The following KHK variants were observed in gnomAD, a reference collection of about 807,000 sequenced individuals.
KHK encodes the protein fructokinase.
Under a neutral mutation model 36.0 loss-of-function variants are expected in KHK, and 37 were observed. That is an observed-to-expected ratio of 1.03 (90% CI 0.79 to 1.35). KHK has a LOEUF of 1.35. Among genes scored for constraint, KHK ranks in the 40% most tolerant of loss-of-function variants. The pLI is 0.00. For synonymous variants in KHK, 161 were observed against 162.8 expected (o/e 0.99, Z 0.08); for missense variants, 395 against 391.9 (o/e 1.01, Z -0.07).
chr2:27,097,690 AT>A (rs749497031), intron 5 of KHK, 41 bp downstream of exon 5: 1 of 1,613,588 alleles, frequency 6.2e-7, no homozygotes, highest in East Asian at 2.2e-5. Context: ...CTTCCAGCTA[AT>A]TTGGTTCTTA....
At position 27,099,897 on chromosome 2, in the gene KHK, C is replaced by T; in HGVS notation, c.*147C>T. Reference sequence around the variant, plus strand: ...GGACTCTGCCTGTGTCCTGTGTTCCCCACAGGGAGAGGCTCTGGGGGGATG... The same window carrying T: ...GGACTCTGCCTGTGTCCTGTGTTCCTCACAGGGAGAGGCTCTGGGGGGATG... On this transcript the variant is annotated 3_prime_UTR_variant, in exon 8 of 8. Transcript: ENST00000260598. 1 of 1,529,960 alleles carries T rather than the reference C, an allele frequency of 6.5e-7. No homozygotes were observed. The highest frequency in any genetic ancestry group is 8.9e-7 in the Non-Finnish European group (1 of 1,129,180). 94.8% of individuals were successfully genotyped at this position (1,529,960 alleles called of 1,614,324 possible).
Position 27,086,931 on chromosome 2 carries a change from T to G in KHK, c.-329T>G. 1 of 281,678 alleles carries G rather than the reference T, an allele frequency of 3.6e-6. No homozygotes were observed. The highest frequency in any genetic ancestry group is 6.8e-6 in the Non-Finnish European group (1 of 146,870). The allele number at this position is 281,678 out of a possible 1,614,324, so 17.4% of individuals were successfully genotyped here. ...TAAAAAGGTTTGCATCAGCTGTGAG[T>G]CCATCTGACAAGCGAGGAAACTAAG... On this transcript the variant is annotated 5_prime_UTR_variant, in exon 1 of 8. Coordinates refer to ENST00000260598, the MANE Select transcript of KHK (RefSeq NM_006488.3).
Position 27,100,596 on chromosome 2 carries a change from G to A in KHK, c.*846G>A. 1.6e-6 allele frequency: 2 copies of A among 1,256,272 alleles called. No individual in the cohort carries two copies. Among genetic ancestry groups the A allele is most frequent in the Non-Finnish European group, 2.1e-6 (2 of 959,766 alleles). The allele number at this position is 1,256,272 out of a possible 1,614,324, so 77.8% of individuals were successfully genotyped here. On this transcript the variant is annotated 3_prime_UTR_variant, in exon 8 of 8. Transcript: ENST00000260598. ...AGGGCTTTAGAGTGAGACAGACCTG[G>A]ATTAAAATCTGCCATTTAATTAGCT...
At chr2:27,094,541 G>A (rs768002486) in intron 2 of KHK, 5 of 1,614,138 alleles carry the variant, frequency 3.1e-6, no homozygotes, top group Non-Finnish European at 4.2e-6. Context: ...TCAGACCACA[G>A]GCTCCGTCCC....
intron 3 of KHK, among the ~76,000 whole-genome samples, chr2:27,095,417 T>C (rs958768185): frequency 4.6e-5 from 7 of 152,016 alleles, no homozygotes; most frequent in Non-Finnish European, 1.0e-4. Context: ...GTAAAAGAGA[T>C]CAGCCCCCCA....
Position 27,099,592 on chromosome 2 carries a change from A to C in KHK, c.811+15A>C, listed in dbSNP as rs1227168972. On this transcript the variant is annotated intron_variant, in intron 7 of 7. Transcript: ENST00000260598. ...CCTCTCCCAGGGTGAGTATGGCAGC[A>C]GGAGGGGAAAAGGACTGGGACCTGT... 6.2e-7 allele frequency: 1 copy of C among 1,614,142 alleles called. No homozygotes were observed.
Position 27,087,172 on chromosome 2 carries a change from G to C in KHK, c.-88G>C. 8.7e-7 allele frequency: 1 copy of C among 1,146,216 alleles called. No homozygotes were observed. The highest frequency in any genetic ancestry group is 1.3e-6 in the Non-Finnish European group (1 of 785,774). The allele number at this position is 1,146,216 out of a possible 1,614,324, so 71.0% of individuals were successfully genotyped here. The stretch of plus-strand genomic sequence containing the variant: ...GCGGAGGAGGAGCCAGGGCAGCTGG[G>C]AGCGGGGACACCATCCTCCTGGATA... On this transcript the variant is annotated 5_prime_UTR_variant, in exon 1 of 8. Transcript: ENST00000260598.
intron 3 of KHK, 112 bp from the exon 4 acceptor site, chr2:27,096,617 G>C (rs1670368905): frequency 1.2e-6 from 1 of 851,272 alleles, no homozygotes; most frequent in Admixed American, 1.7e-5. Context: ...CCAGCTTCCT[G>C]TCATGCTGCC....
chr2:27,091,093 ATTG>A (rs1209940004), intron 1 of KHK, among the ~76,000 whole-genome samples: 2 of 39,632 alleles, frequency 5.0e-5, no homozygotes, highest in South Asian at 7.7e-4. Flanking sequence ...CATTGTTGTT[ATTG>A]TTGTTTTTGA....
intron 2 of KHK, chr2:27,094,362 G>T: frequency 1.6e-6 from 2 of 1,221,202 alleles, no homozygotes; most frequent in South Asian, 1.2e-5. Context: ...TTCTCTCCCA[G>T]CCCCCTTTGC....
At chr2:27,092,789 T>C (rs549560464) in intron 2 of KHK, among the ~76,000 whole-genome samples, 1 of 152,246 alleles carries the variant, frequency 6.6e-6, no homozygotes, top group South Asian at 2.1e-4. Context: ...ATCCTGGCCA[T>C]GCTTGAGGCA....
Position 27,096,819 on chromosome 2 carries a change from T to C in KHK, c.417+18T>C, listed in dbSNP as rs1271466302. 1 of 1,604,218 alleles carries C rather than the reference T, an allele frequency of 6.2e-7. No individual in the cohort carries two copies. On this transcript the variant is annotated intron_variant, in intron 4 of 7. Coordinates refer to ENST00000260598, the MANE Select transcript of KHK (RefSeq NM_006488.3). ...ACATTGAGGTAAGCCCTGCCTTACC[T>C]GTGTTTCAAGGGGCTCAACCTGCCA... is the stretch of plus-strand genomic sequence containing the variant.
Position 27,099,719 on chromosome 2 carries a change from G to A in KHK, c.866G>A (p.Cys289Tyr), listed in dbSNP as rs201037118. The change falls in exon 8 of 8, where the codon TGT becomes TAT. Residue 289 changes from cysteine (C) to tyrosine (Y), a missense_variant. Cys to Tyr is a radical substitution (Grantham distance 194). Coordinates refer to ENST00000260598, the MANE Select transcript of KHK (RefSeq NM_006488.3). ...RFGCQVAGKK[C>Y]GLQGFDGIV ...GGGTGCCAGGTGGCCGGCAAGAAGTGTGGCCTGCAGGGCTTTGATGGCATC... is the reference window on the plus strand; with the variant it reads ...GGGTGCCAGGTGGCCGGCAAGAAGTATGGCCTGCAGGGCTTTGATGGCATC... 8 of 1,614,162 alleles carry A rather than the reference G, an allele frequency of 5.0e-6. No individual in the cohort carries two copies. In the East Asian group the frequency reaches 1.6e-4, roughly 31 times the overall value.
At position 27,097,486 on chromosome 2, in the gene KHK, G is replaced by A. The variant is rs1572874107; in HGVS notation, c.418-17G>A. 6.2e-7 allele frequency: 1 copy of A among 1,612,854 alleles called. No homozygotes were observed. The highest frequency in any genetic ancestry group is 1.7e-5 in the Admixed American group (1 of 60,004). The stretch of plus-strand genomic sequence containing the variant: ...AGGCAGTGCCCAGCGGTCCTGAGCT[G>A]CCCTGTCCTGTACCAGGGCCGGAAC... On this transcript the variant is annotated splice_polypyrimidine_tract_variant and intron_variant, in intron 4 of 7. Transcript: ENST00000260598.
intron 7 of KHK, 36 bp from the exon 8 acceptor site, chr2:27,099,629 A>G: frequency 1.2e-6 from 2 of 1,614,114 alleles, no homozygotes; most frequent in East Asian, 4.5e-5. Flanking sequence ...CCTGCCCCAA[A>G]CACCTGGCTG....
rs1284564509 is a variant in KHK, at chr2:27,099,474, T to C, written c.708T>C (p.Asp236=). The change falls in exon 7 of 8, where the codon GAT becomes GAC. Residue 236 remains aspartate, a synonymous_variant. Coordinates refer to ENST00000260598, the MANE Select transcript of KHK (RefSeq NM_006488.3). The part of the protein sequence containing the change: ...AEEGADALGP[D]GKLLHSDAFP... ...AGGGCGCCGACGCCCTGGGCCCTGATGGCAAATTGCTCCACTCGGATGCTT... is the reference window on the plus strand; with the variant it reads ...AGGGCGCCGACGCCCTGGGCCCTGACGGCAAATTGCTCCACTCGGATGCTT... 1.9e-6 allele frequency: 3 copies of C among 1,614,122 alleles called. No homozygotes were observed. The highest frequency in any genetic ancestry group is 1.3e-5 in the African/African-American group (1 of 75,046).
At position 27,099,727 on chromosome 2, in the gene KHK, C is replaced by A; in HGVS notation, c.874C>A (p.Gln292Lys). 6.2e-7 allele frequency: 1 copy of A among 1,614,128 alleles called. No homozygotes were observed. The highest frequency in any genetic ancestry group is 8.5e-7 in the Non-Finnish European group (1 of 1,180,018). ...GGTGGCCGGCAAGAAGTGTGGCCTGCAGGGCTTTGATGGCATCGTGTGAGA... is the reference window on the plus strand; with the variant it reads ...GGTGGCCGGCAAGAAGTGTGGCCTGAAGGGCTTTGATGGCATCGTGTGAGA... ...CQVAGKKCGL[Q>K]GFDGIV Residue 292 changes from glutamine (Q) to lysine (K), a missense_variant, in exon 8 of 8, where the codon CAG becomes AAG. Transcript: ENST00000260598.
chr2:27,096,401 G>C (rs1307943310), intron 3 of KHK, among the ~76,000 whole-genome samples: 6 of 152,190 alleles, frequency 3.9e-5, no homozygotes, highest in Non-Finnish European at 8.8e-5. Flanking sequence ...GCTGCTGCAA[G>C]GGATTCTGGG....
intron 2 of KHK, among the ~76,000 whole-genome samples, chr2:27,093,789 C>T (rs1394582298): frequency 6.6e-6 from 1 of 152,186 alleles, no homozygotes; most frequent in East Asian, 1.9e-4. Context: ...CCCCTGGGCT[C>T]ACTCTGCATG....
Sources: gnomAD v4.1 joint callset for allele counts (sites outside exome capture counted in the v4.1 genomes callset) on GRCh38, gnomAD v4.1.1 for gene constraint, MANE v1.5 for transcripts, NCBI Gene and HGNC (gene_info 2026-07-23, HGNC 2026-07-21) for gene names.